The following GCN1 variants were observed in gnomAD, a reference collection of about 807,000 sequenced individuals.
GCN1 encodes stalled ribosome sensor GCN1.
GCN1 carries 90 observed loss-of-function variants against 288.4 expected under a neutral mutation model. The ratio of observed to expected loss-of-function variants is 0.31; its 90% CI spans 0.26 to 0.37. The LOEUF (loss-of-function observed/expected upper bound fraction) is 0.37. Ranked by LOEUF, GCN1 falls within the 10% of genes least tolerant of loss-of-function variation. GCN1 has a pLI of 1.00. For synonymous variants in GCN1, 1,386 were observed against 1,420.2 expected, an observed-to-expected ratio of 0.98 and a Z score of 0.54; for missense variants, 2,586 against 3,419.9, an observed-to-expected ratio of 0.76 and a Z score of 6.08.
chr12:120,157,049 G>A (rs1877771878), intron 26 of GCN1, 57 bp from the exon 27 acceptor site: 1 of 1,167,628 alleles, frequency 8.6e-7, no homozygotes, highest in Admixed American at 1.7e-5. Context: ...TGTAACCCAG[G>A]CGGCCAACGG....
intron 36 of GCN1, 69 bp from the exon 37 acceptor site, chr12:120,148,415 T>C: frequency 7.6e-7 from 1 of 1,323,718 alleles, no homozygotes; most frequent in Non-Finnish European, 1.1e-6. Flanking sequence ...CTGTGCTGGC[T>C]ACATGAGCAA....
Position 120,153,959 on chromosome 12 carries a change from C to T in GCN1, c.3702-50G>A. 6.6e-7 allele frequency: 1 copy of T among 1,509,370 alleles called. No homozygotes were observed. The highest frequency in any genetic ancestry group is 9.1e-7 in the Non-Finnish European group (1 of 1,097,264). 93.5% of individuals were successfully genotyped at this position (1,509,370 alleles called of 1,614,324 possible). A position where few individuals can be genotyped will look rare whatever the true frequency, so the allele number is the denominator to read the frequency against. The stretch of plus-strand genomic sequence containing the variant: ...AGGAGGGGCAGTCAGGGGGCCTCCT[C>T]TGCCAGTGGAACCTCTGCTGGTGCA... On this transcript the variant is annotated intron_variant, in intron 31 of 57. Transcript: ENST00000300648. This position sits in a 1 kb window ranked among gnomAD's most constrained non-coding sequence, Gnocchi z 4.4.
chr12:120,177,526 C>G lies in GCN1; in HGVS notation c.759G>C (p.Leu253=). 6.2e-7 allele frequency: 1 copy of G among 1,611,492 alleles called. No individual in the cohort carries two copies. The highest frequency in any genetic ancestry group is 8.5e-7 in the Non-Finnish European group (1 of 1,177,686). The change falls in exon 9 of 58, where the codon CTG becomes CTC. Residue 253 remains leucine, a synonymous_variant. Transcript: ENST00000300648. ...TCAGATCCTTAAATTCTGAGTGGGA[C>G]AGGTATCGGAGCAGAGGGGCACAGC... is the stretch of plus-strand genomic sequence containing the variant. ...LDSCAPLLRY[L]SHSEFKDLIL...
chr12:120,134,567 T>G lies in GCN1; in HGVS notation c.7168A>C (p.Asn2390His). Reference sequence around the variant, plus strand: ...GGGTCCTCCATGGCGCGGATGCCATTGAGCAGCTCTGTGAAGAGGGGGTCC... The same window carrying G: ...GGGTCCTCCATGGCGCGGATGCCATGGAGCAGCTCTGTGAAGAGGGGGTCC... The part of the protein sequence containing the change: ...KVDPLFTELL[N>H]GIRAMEDPGV... Residue 2390 changes from asparagine (N) to histidine (H), a missense_variant, in exon 52 of 58, where the codon AAT becomes CAT. By Grantham distance (68) the Asn-to-His change is moderately conservative. Coordinates refer to ENST00000300648, the MANE Select transcript of GCN1 (RefSeq NM_006836.2). This position sits in a 1 kb window ranked among gnomAD's most constrained non-coding sequence, Gnocchi z 5.0. 6.2e-7 allele frequency: 1 copy of G among 1,614,146 alleles called. No homozygotes were observed. The highest frequency in any genetic ancestry group is 2.2e-5 in the East Asian group (1 of 44,882).
rs774078384 is a variant in GCN1, at chr12:120,136,495, C to T, written c.7008+7G>A. The T allele has an allele frequency of 2.5e-6, 4 of 1,602,624 alleles. No homozygotes were observed. Among genetic ancestry groups the T allele is most frequent in the Non-Finnish European group, 3.4e-6 (4 of 1,169,502 alleles). On this transcript the variant is annotated splice_region_variant and intron_variant, in intron 51 of 57. Transcript: ENST00000300648. ...CTAAGATCTGAACAAACTCATCAGC[C>T]ACTCACCTTAGCCAACAAGAGGCTG...
Position 120,173,810 on chromosome 12 carries a change from C to G in GCN1, c.1209G>C (p.Leu403Phe). 6.2e-7 allele frequency: 1 copy of G among 1,613,840 alleles called. No individual in the cohort carries two copies. The highest frequency in any genetic ancestry group is 8.5e-7 in the Non-Finnish European group (1 of 1,179,766). ...FLQQEVHEGT[L>F]VHAVSVLALW... ...GAGCCAGGACTGAGACAGCGTGTACCAAGGTCCCTTCATGAACTAGGGCAA... is the reference window on the plus strand; with the variant it reads ...GAGCCAGGACTGAGACAGCGTGTACGAAGGTCCCTTCATGAACTAGGGCAA... Residue 403 changes from leucine (L) to phenylalanine (F), a missense_variant, in exon 14 of 58, where the codon TTG becomes TTC. Physicochemically the swap from Leu to Phe is conservative, Grantham distance 22 (BLOSUM62 0). Transcript: ENST00000300648.
chr12:120,171,679 T>C (rs1046590057), intron 14 of GCN1, among the ~76,000 whole-genome samples: 3 of 152,238 alleles, frequency 2.0e-5, no homozygotes, highest in Admixed American at 6.5e-5. Context: ...TTTTATATTA[T>C]GTTTATTTTA....
Position 120,138,780 on chromosome 12 carries a change from G to A in GCN1, c.6071C>T (p.Ala2024Val), listed in dbSNP as rs749761100. 3.7e-6 allele frequency: 6 copies of A among 1,614,008 alleles called. No individual in the cohort carries two copies. The highest frequency in any genetic ancestry group is 1.6e-4 in the Middle Eastern group (1 of 6,084). The change falls in exon 46 of 58, where the codon GCG (alanine) becomes GTG (valine). Residue 2024 changes from alanine to valine, a missense_variant. Around this residue, in one of 8 missense-constraint regions of GCN1, gnomAD observed 437 missense variants for 570.5 expected, o/e 0.77. Transcript: ENST00000300648. Reference protein sequence around the residue: ...LCDPLEEVREAAAKTFEQLHS... With the variant: ...LCDPLEEVREVAAKTFEQLHS... ...CAGCTGCTCGAAAGTCTTGGCTGCC[G>A]CCTCTCTGACCTCCTCCAGTGGGTC...
intron 34 of GCN1, 87 bp from the exon 35 acceptor site, chr12:120,150,130 C>A: frequency 7.6e-7 from 1 of 1,321,598 alleles, no homozygotes; most frequent in Non-Finnish European, 1.1e-6. Context: ...ACCTCCCTGC[C>A]ACCTCCCACC....
chr12:120,194,654 G>A (rs966269832), intron 1 of GCN1, 26 bp downstream of exon 1: 1 of 1,513,726 alleles, frequency 6.6e-7, no homozygotes, highest in African/African-American at 1.4e-5. Flanking sequence ...CCCTGGCCGC[G>A]TTGGCCCCGC....
At chr12:120,145,170 G>A in intron 39 of GCN1, 92 bp downstream of exon 39, 1 of 1,557,880 alleles carries the variant, frequency 6.4e-7, no homozygotes, top group South Asian at 1.1e-5. Flanking sequence ...TTACCCAACA[G>A]ACACAAAAGC....
chr12:120,160,870 T>C (rs560501561), intron 22 of GCN1, among the ~76,000 whole-genome samples: 13 of 152,206 alleles, frequency 8.5e-5, no homozygotes, highest in South Asian at 2.1e-4. Flanking sequence ...TTTTGGGTTA[T>C]GATAAATGTT....
intron 5 of GCN1, among the ~76,000 whole-genome samples, 156 bp downstream of exon 5, chr12:120,183,413 C>T (rs1486945811): frequency 6.6e-6 from 1 of 152,212 alleles, no homozygotes; most frequent in Non-Finnish European, 1.5e-5. Flanking sequence ...ATGCTGCACT[C>T]ATGGCCATCC....
Position 120,127,971 on chromosome 12 carries a change from G to A in GCN1, c.7894C>T (p.Leu2632Phe). 6.2e-7 allele frequency: 1 copy of A among 1,614,044 alleles called. No homozygotes were observed. The highest frequency in any genetic ancestry group is 1.7e-5 in the Admixed American group (1 of 60,014). ...CTGGCCACATCCAGGATCTTGGAGAGGGACTGTGGGGAAGGATGAGCAGGA... is the reference window on the plus strand; with the variant it reads ...CTGGCCACATCCAGGATCTTGGAGAAGGACTGTGGGGAAGGATGAGCAGGA... ...MRQGEEVFQS[L>F]SKILDVASLE... Residue 2632 changes from leucine (L) to phenylalanine (F), a missense_variant, in exon 58 of 58, where the codon CTC (leucine) becomes TTC (phenylalanine). Leu to Phe is a conservative substitution (Grantham distance 22). Coordinates refer to ENST00000300648, the MANE Select transcript of GCN1 (RefSeq NM_006836.2).
Position 120,155,808 on chromosome 12 carries a change from C to T in GCN1, c.3313-89G>A, listed in dbSNP as rs1284235190. On this transcript the variant is annotated intron_variant, in intron 28 of 57. Transcript: ENST00000300648. This position sits in a 1 kb window ranked among gnomAD's most constrained non-coding sequence, Gnocchi z 4.9. ...CTCACCTCTCTCTAGGTTGTACTGT[C>T]CAAGATGTAGCCACTAACCGCATGT... The T allele has an allele frequency of 7.6e-7, 1 of 1,320,206 alleles. No individual in the cohort carries two copies. The highest frequency in any genetic ancestry group is 2.5e-4 in the Middle Eastern group (1 of 4,054). The allele number at this position is 1,320,206 out of a possible 1,614,324, so 81.8% of individuals were successfully genotyped here.
In GCN1 at chr12:120,140,850, G is replaced by T. The variant is rs755604242; in HGVS notation, c.5994+9C>A. 6.2e-7 allele frequency: 1 copy of T among 1,611,960 alleles called. No individual in the cohort carries two copies. Among genetic ancestry groups the T allele is most frequent in the Admixed American group, 1.7e-5 (1 of 59,900 alleles). ...TGCACAGCTGGCGGGATCCTTGGAA[G>T]ATACTCACGGCATCCCGGCTGGTGG... On this transcript the variant is annotated intron_variant, in intron 45 of 57. Transcript: ENST00000300648.
At chr12:120,148,120 G>A (rs763940760) in intron 37 of GCN1, 47 bp downstream of exon 37, 41 of 1,417,480 alleles carry the variant, frequency 2.9e-5, no homozygotes, top group Non-Finnish European at 3.4e-5. Context: ...CAAAGGCTGC[G>A]GCGTTGGTGG....
intron 1 of GCN1, among the ~76,000 whole-genome samples, chr12:120,192,831 G>A (rs1171302711): frequency 6.6e-6 from 1 of 151,490 alleles, no homozygotes; most frequent in Non-Finnish European, 1.5e-5. Context: ...GATTGCTTGA[G>A]GTCAGAAGTT....
In GCN1 at chr12:120,161,584, C is replaced by A; in HGVS notation, c.2343-1G>T. 6.2e-7 allele frequency: 1 copy of A among 1,609,718 alleles called. No individual in the cohort carries two copies. Among genetic ancestry groups the A allele is most frequent in the Non-Finnish European group, 8.5e-7 (1 of 1,176,048 alleles). Reference sequence around the variant, plus strand: ...CTTTTTTATGCTGTCCTGCTGGGCACTGAAACACCAGAGTGGGTCATCAGC... The same window carrying A: ...CTTTTTTATGCTGTCCTGCTGGGCAATGAAACACCAGAGTGGGTCATCAGC... On this transcript the variant is annotated splice_acceptor_variant, in intron 21 of 57. Coordinates refer to ENST00000300648, the MANE Select transcript of GCN1 (RefSeq NM_006836.2). LOFTEE classifies it high-confidence loss of function.
Sources: gnomAD v4.1 joint callset for allele counts (sites outside exome capture counted in the v4.1 genomes callset) on GRCh38, gnomAD v4.1.1 for gene constraint, gnomAD v4.1.1 regional missense constraint, Gnocchi (gnomAD v3.1) non-coding constraint, MANE v1.5 for transcripts, NCBI Gene and HGNC (gene_info 2026-07-23, HGNC 2026-07-21) for gene names.